The following PROS1 variants were observed in gnomAD, a reference collection of about 807,000 sequenced individuals.
PROS1 encodes vitamin K-dependent protein S.
A neutral mutation model predicts 75.9 loss-of-function variants in PROS1; 29 were observed. The ratio of observed to expected loss-of-function variants is 0.38; its 90% CI spans 0.28 to 0.52. The LOEUF (loss-of-function observed/expected upper bound fraction) is 0.52, where lower values mean the gene tolerates loss of function less well. Ranked by LOEUF, PROS1 falls within the 20% of genes least tolerant of loss-of-function variation. PROS1 has a pLI of 0.83. For missense variants in PROS1, 680 were observed against 810.3 expected, an observed-to-expected ratio of 0.84 and a Z score of 1.95; for synonymous variants, 245 against 280.6, an observed-to-expected ratio of 0.87 and a Z score of 1.27.
intron 1 of PROS1, among the ~76,000 whole-genome samples, chr3:93,935,739 G>C (rs1709172647): frequency 1.3e-5 from 2 of 152,038 alleles, no homozygotes; most frequent in Non-Finnish European, 2.9e-5. Context: ...ATATCGTCAA[G>C]TGAGTCTTTC....
chr3:93,920,386 G>T (rs1409788148), intron 3 of PROS1, among the ~76,000 whole-genome samples: 1 of 151,850 alleles, frequency 6.6e-6, no homozygotes, highest in African/African-American at 2.4e-5. Context: ...TCTCCATAGG[G>T]TTTTTATGTG....
intron 3 of PROS1, among the ~76,000 whole-genome samples, chr3:93,922,915 C>T (rs1023734859): frequency 6.6e-6 from 1 of 152,038 alleles, no homozygotes; most frequent in Non-Finnish European, 1.5e-5. Context: ...AACAAGAATA[C>T]ATCTGAAGAA....
chr3:93,931,640 T>C (rs1052014265), intron 1 of PROS1, among the ~76,000 whole-genome samples: 1 of 152,190 alleles, frequency 6.6e-6, no homozygotes, highest in Non-Finnish European at 1.5e-5. Context: ...ACTGCTTGAA[T>C]CCCTTTCCTT....
chr3:93,965,917 A>T (rs1709781807), intron 1 of PROS1, among the ~76,000 whole-genome samples: 1 of 151,690 alleles, frequency 6.6e-6, no homozygotes, highest in African/African-American at 2.4e-5. Flanking sequence ...CTGATCCCAA[A>T]CTCCTGACCT....
At chr3:93,938,511 C>T (rs530408417) in intron 1 of PROS1, among the ~76,000 whole-genome samples, 57 of 152,240 alleles carry the variant, frequency 3.7e-4, no homozygotes, top group African/African-American at 1.1e-3. Flanking sequence ...GTCCTCACTC[C>T]GTGAGGAGAT....
chr3:93,911,172 A>T, intron 3 of PROS1: 1 of 177,288 alleles, frequency 5.6e-6, no homozygotes, highest in Non-Finnish European at 1.2e-5. Context: ...TGAGATTAAT[A>T]CAGTAATATT....
At chr3:93,879,485 T>TAATG (rs1708244016) in intron 12 of PROS1, among the ~76,000 whole-genome samples, 171 bp from the exon 13 acceptor site, 1 of 152,218 alleles carries the variant, frequency 6.6e-6, no homozygotes, top group African/African-American at 2.4e-5. Context: ...AACTTTTTTG[T>TAATG]AATGCAGGCA....
At chr3:93,971,003 C>G (rs1344729666) in intron 1 of PROS1, among the ~76,000 whole-genome samples, 5 of 151,658 alleles carry the variant, frequency 3.3e-5, no homozygotes, top group Admixed American at 2.6e-4. Flanking sequence ...TTTTTTTAAT[C>G]ACAAAAATAT....
At chr3:93,922,042 C>T (rs1331923347) in intron 3 of PROS1, among the ~76,000 whole-genome samples, 1 of 152,054 alleles carries the variant, frequency 6.6e-6, no homozygotes. Context: ...GAACCCAATC[C>T]CCCACCACAC....
chr3:93,973,476 CTG>C lies in PROS1; in HGVS notation c.76+196_76+197del, dbSNP rs769859007. 6.2e-5 allele frequency: 38 copies of C among 616,384 alleles called. No homozygotes were observed. Among genetic ancestry groups the C allele is most frequent in the Non-Finnish European group, 9.8e-5 (33 of 337,330 alleles). The allele number at this position is 616,384 out of a possible 1,614,324, so 38.2% of individuals were successfully genotyped here. Reference sequence around the variant, plus strand: ...TCCTGTAGGCAATACATTCTCGCAACTGTGCAAATAGTGATCCTGCCCCACCA... The same window carrying C: ...TCCTGTAGGCAATACATTCTCGCAACTGCAAATAGTGATCCTGCCCCACCA... On this transcript the variant is annotated intron_variant, in intron 1 of 14. Coordinates refer to ENST00000394236, the MANE Select transcript of PROS1 (RefSeq NM_000313.4).
chr3:93,896,446 T>C, intron 9 of PROS1, 130 bp downstream of exon 9: 1 of 757,472 alleles, frequency 1.3e-6, no homozygotes, highest in Non-Finnish European at 2.4e-6. Flanking sequence ...CCCCAAGTCA[T>C]CTGATTGGTA....
At chr3:93,928,788 T>C in intron 1 of PROS1, 1 of 1,259,138 alleles carries the variant, frequency 7.9e-7, no homozygotes, top group Non-Finnish European at 1.0e-6. Context: ...ATTTCTAAAA[T>C]ATAAACAAAC....
At chr3:93,933,091 G>A (rs563142629) in intron 1 of PROS1, among the ~76,000 whole-genome samples, 2 of 152,290 alleles carry the variant, frequency 1.3e-5, no homozygotes, top group South Asian at 2.1e-4. Flanking sequence ...TTGAAAGAAT[G>A]TTTCTGAGAA....
At position 93,879,177 on chromosome 3, in the gene PROS1, A is replaced by C. The variant is rs1708238838; in HGVS notation, c.1630T>G (p.Ser544Ala). ...PFAVSLVDST[S>A]EKSQDILLSV... The stretch of plus-strand genomic sequence containing the variant: ...AGTTAAGTTACCTGTGATTTTTCAG[A>C]GGTGGAGTCCACCAAGGACACAGCA... Residue 544 changes from serine to alanine, a missense_variant, in exon 13 of 15, where the codon TCT becomes GCT. Ser to Ala is a moderately conservative substitution (Grantham distance 99). Coordinates refer to ENST00000394236, the MANE Select transcript of PROS1 (RefSeq NM_000313.4). 2.5e-6 allele frequency: 4 copies of C among 1,614,146 alleles called. No individual in the cohort carries two copies. The highest frequency in any genetic ancestry group is 3.4e-6 in the Non-Finnish European group (4 of 1,179,996).
chr3:93,905,962 A>T (rs576376563), intron 5 of PROS1, 47 bp from the exon 6 acceptor site: 1 of 1,613,538 alleles, frequency 6.2e-7, no homozygotes, highest in African/African-American at 1.3e-5. Flanking sequence ...TATAACCTGC[A>T]GAGAACTTTT....
rs1708137347 is a variant in PROS1 at position 93,873,423 on chromosome 3, A to G, written c.*822T>C. On this transcript the variant is annotated 3_prime_UTR_variant, in exon 15 of 15. Coordinates refer to ENST00000394236, the MANE Select transcript of PROS1 (RefSeq NM_000313.4). ...ATTTTGGCAACTTACTCTGGTAATT[A>G]AAAGTTGGATTCAAGGAAAACTATG... 1 of 152,208 alleles carries G rather than the reference A, an allele frequency of 6.6e-6. No individual in the cohort carries two copies. Among genetic ancestry groups the G allele is most frequent in the African/African-American group, 2.4e-5 (1 of 41,444 alleles). 9.4% of individuals were successfully genotyped at this position (152,208 alleles called of 1,614,324 possible).
intron 1 of PROS1, among the ~76,000 whole-genome samples, chr3:93,950,615 G>A (rs929945201): frequency 6.6e-6 from 1 of 152,234 alleles, no homozygotes; most frequent in Admixed American, 6.5e-5. Flanking sequence ...ACCTGCAGCT[G>A]AGGTTCCTGA....
intron 3 of PROS1, among the ~76,000 whole-genome samples, chr3:93,918,494 G>A (rs562796002): frequency 1.2e-4 from 18 of 152,154 alleles, no homozygotes; most frequent in Middle Eastern, 3.4e-3. Context: ...ACGAAGGTCC[G>A]AAGCTTCACT....
At chr3:93,947,086 A>G (rs890221519) in intron 1 of PROS1, among the ~76,000 whole-genome samples, 2 of 152,244 alleles carry the variant, frequency 1.3e-5, no homozygotes, top group African/African-American at 4.8e-5. Context: ...ATCACTGGCC[A>G]TCAGCGAAAT....
Sources: gnomAD v4.1 joint callset for allele counts (sites outside exome capture counted in the v4.1 genomes callset) on GRCh38, gnomAD v4.1.1 for gene constraint, MANE v1.5 for transcripts, NCBI Gene and HGNC (gene_info 2026-07-23, HGNC 2026-07-21) for gene names.